STON1: variants seen among roughly 807,000 people sequenced by gnomAD.
STON1 encodes the protein stonin-1.
A neutral mutation model predicts 60.9 loss-of-function variants in STON1; 79 were observed. That is an observed-to-expected ratio of 1.30 (90% CI 1.08 to 1.56). STON1 has a LOEUF of 1.56. STON1 is among the 40% of genes most tolerant of loss of function. The pLI, the probability that STON1 is intolerant of heterozygous loss-of-function variation, is 0.00. For missense variants in STON1, 1,166 were observed against 858.9 expected (o/e 1.36, Z -4.47); for synonymous variants, 363 against 306.9 (o/e 1.18, Z -1.91).
chr2:48,586,595 G>A (rs1439166276), intron 2 of STON1, among the ~76,000 whole-genome samples: 3 of 152,170 alleles, frequency 2.0e-5, no homozygotes, highest in African/African-American at 7.2e-5. Context: ...ACAGGTGTGT[G>A]GGTGGGGGAT....
At chr2:48,572,428 G>A (rs557959712) in intron 1 of STON1, among the ~76,000 whole-genome samples, 5 of 152,260 alleles carry the variant, frequency 3.3e-5, no homozygotes, top group Non-Finnish European at 5.9e-5. Flanking sequence ...ACAGTGAGGG[G>A]GTAGGAGTGC....
intron 1 of STON1, among the ~76,000 whole-genome samples, chr2:48,536,756 T>G (rs1671450753): frequency 6.6e-6 from 1 of 152,184 alleles, no homozygotes; most frequent in Non-Finnish European, 1.5e-5. Flanking sequence ...CAATTAATAC[T>G]GACATCTTTA....
intron 1 of STON1, among the ~76,000 whole-genome samples, chr2:48,559,757 C>A (rs992290120): frequency 1.3e-5 from 2 of 152,192 alleles, no homozygotes; most frequent in East Asian, 3.8e-4. Flanking sequence ...CAGACCTCTG[C>A]AGTTTCCATG....
chr2:48,572,254 C>T (rs765086502), intron 1 of STON1, among the ~76,000 whole-genome samples: 6 of 152,144 alleles, frequency 3.9e-5, no homozygotes, highest in Non-Finnish European at 8.8e-5. Context: ...CTCCCCTCGA[C>T]AATGGGGAAT....
chr2:48,557,189 C>T (rs1274833831), intron 1 of STON1, among the ~76,000 whole-genome samples: 1 of 77,294 alleles, frequency 1.3e-5, no homozygotes, highest in Non-Finnish European at 2.6e-5. Flanking sequence ...GGGGCAGCTG[C>T]CGGGCGGAGG....
chr2:48,564,492 C>CTTCTTCTTCTTTCTTCTTCT (rs1672799698), intron 1 of STON1, among the ~76,000 whole-genome samples: 3 of 24,624 alleles, frequency 1.2e-4, no homozygotes, highest in Admixed American at 8.5e-4. Flanking sequence ...TCTTCTTCTT[C>CTTCTTCTTCTTTCTTCTTCT]TTCTTCTTCT....
intron 1 of STON1, among the ~76,000 whole-genome samples, chr2:48,571,181 G>T (rs373957941): frequency 1.3e-5 from 2 of 152,132 alleles, no homozygotes; most frequent in African/African-American, 4.8e-5. Context: ...GTGTGGAATT[G>T]TCCTCTAGGA....
rs1674772064 is a variant in STON1 at position 48,596,091 on chromosome 2, T to G, written c.*789T>G. The G allele has an allele frequency of 6.6e-6, 1 of 152,342 alleles. No individual in the cohort carries two copies. Among genetic ancestry groups the G allele is most frequent in the African/African-American group, 2.4e-5 (1 of 41,582 alleles). 9.4% of individuals were successfully genotyped at this position (152,342 alleles called of 1,614,324 possible). A position where few individuals can be genotyped will look rare whatever the true frequency, so the allele number is the denominator to read the frequency against. ...ATATTTGTGTATATTAAATATGAATTTTTAAAATTTATAAATACTATTTTC... is the reference window on the plus strand; with the variant it reads ...ATATTTGTGTATATTAAATATGAATGTTTAAAATTTATAAATACTATTTTC... On this transcript the variant is annotated 3_prime_UTR_variant, in exon 4 of 4. Coordinates refer to ENST00000404752, the MANE Select transcript of STON1 (RefSeq NM_006873.4).
At chr2:48,566,670 T>G (rs1025243799) in intron 1 of STON1, among the ~76,000 whole-genome samples, 5 of 152,178 alleles carry the variant, frequency 3.3e-5, no homozygotes, top group African/African-American at 1.2e-4. Context: ...GGTTGGTCCA[T>G]GTGAAATCCA....
At chr2:48,534,040 A>T (rs1671329123) in intron 1 of STON1, among the ~76,000 whole-genome samples, 1 of 152,122 alleles carries the variant, frequency 6.6e-6, no homozygotes, top group South Asian at 2.1e-4. Context: ...AAGTGTCAGG[A>T]TTATAGGTGT....
At chr2:48,555,237 T>G (rs1231983649) in intron 1 of STON1, among the ~76,000 whole-genome samples, 1 of 109,732 alleles carries the variant, frequency 9.1e-6, no homozygotes, top group African/African-American at 3.4e-5. Flanking sequence ...CAATGAGCTG[T>G]TGGGCACACC....
Position 48,591,664 on chromosome 2 carries a change from C to A in STON1, c.1942C>A (p.Pro648Thr), listed in dbSNP as rs772142789. The change falls in exon 3 of 4, where the codon CCC (proline) becomes ACC (threonine). Residue 648 changes from proline (P) to threonine (T), a missense_variant. Transcript: ENST00000404752. ...TTTTTTCCCTCGAGGTCTAGATCAT[C>A]CCCATTGTCTGTCATACAAATTAGA... ...LPDKNSSLDH[P>T]HCLSYKLELG... The A allele has an allele frequency of 1.2e-6, 2 of 1,613,782 alleles. No homozygotes were observed. Among genetic ancestry groups the A allele is most frequent in the Admixed American group, 1.7e-5 (1 of 59,978 alleles).
intron 1 of STON1, among the ~76,000 whole-genome samples, chr2:48,572,883 T>C (rs1411892387): frequency 6.6e-6 from 1 of 152,204 alleles, no homozygotes; most frequent in African/African-American, 2.4e-5. Context: ...GGGAAGGTGC[T>C]TCACAGCAAC....
chr2:48,586,981 T>C (rs576046088), intron 2 of STON1, among the ~76,000 whole-genome samples: 3 of 152,192 alleles, frequency 2.0e-5, no homozygotes, highest in East Asian at 3.9e-4. Context: ...CTGTGGTGGA[T>C]AGGTGGGCAA....
rs190831646 is a variant in STON1, at chr2:48,568,630, A to G, written c.-47-11957A>G. 3.7e-3 allele frequency among the ~76,000 whole-genome samples: 565 copies of G among 152,266 alleles called. 11 individuals carry two copies. Among genetic ancestry groups the G allele is most frequent in the Non-Finnish European group, 2.0e-3 (137 of 68,022 alleles). On this transcript the variant is annotated intron_variant, in intron 1 of 3. Coordinates refer to ENST00000404752, the MANE Select transcript of STON1 (RefSeq NM_006873.4). The stretch of plus-strand genomic sequence containing the variant: ...TATTTATTAGACAACAATTCTGAGA[A>G]ATTATTCATCACTAAGGGCAGGACA...
At position 48,581,412 on chromosome 2, in the gene STON1, C is replaced by T. The variant is rs757164455; in HGVS notation, c.779C>T (p.Ser260Phe). 6.2e-7 allele frequency: 1 copy of T among 1,611,148 alleles called. No individual in the cohort carries two copies. Among genetic ancestry groups the T allele is most frequent in the South Asian group, 1.1e-5 (1 of 90,762 alleles). The change falls in exon 2 of 4, where the codon TCT becomes TTT. Residue 260 changes from serine to phenylalanine, a missense_variant. Coordinates refer to ENST00000404752, the MANE Select transcript of STON1 (RefSeq NM_006873.4). The stretch of plus-strand genomic sequence containing the variant: ...TGTCTATGTGCTGAAGAAAATGCCT[C>T]TTCCTTTGTCCCCCACACACTCTTC... ...MHCLCAEENA[S>F]SFVPHTLFRS...
intron 2 of STON1, among the ~76,000 whole-genome samples, chr2:48,582,968 C>T (rs913346628): frequency 5.4e-4 from 83 of 152,346 alleles, no homozygotes; most frequent in African/African-American, 1.9e-3. Flanking sequence ...AACTTCTTTG[C>T]ATTCTCAGCT....
chr2:48,551,615 C>T (rs1302119051), intron 1 of STON1, among the ~76,000 whole-genome samples: 2 of 152,234 alleles, frequency 1.3e-5, no homozygotes, highest in African/African-American at 4.8e-5. Flanking sequence ...GACAGAATGT[C>T]CTTTTGCTGC....
intron 1 of STON1, among the ~76,000 whole-genome samples, chr2:48,564,487 TTCTTCTTCTTCTTC>T (rs1672795438): frequency 4.8e-4 from 10 of 20,992 alleles, no homozygotes; most frequent in Admixed American, 9.1e-4. Flanking sequence ...TTCTTTCTTC[TTCTTCTTCTTCTTC>T]TTCTTCTTCT....
Sources: gnomAD v4.1 joint callset for allele counts (sites outside exome capture counted in the v4.1 genomes callset) on GRCh38, gnomAD v4.1.1 for gene constraint, MANE v1.5 for transcripts, NCBI Gene and HGNC (gene_info 2026-07-23, HGNC 2026-07-21) for gene names.